TMEM132D: variants seen among roughly 807,000 people sequenced by gnomAD.
TMEM132D encodes the protein mature OL transmembrane protein.
A neutral mutation model predicts 62.3 loss-of-function variants in TMEM132D; 21 were observed. That is an observed-to-expected ratio of 0.34 (90% CI 0.24 to 0.49). The LOEUF (loss-of-function observed/expected upper bound fraction) is 0.49, where lower values mean the gene tolerates loss of function less well. Among genes scored for constraint, TMEM132D ranks in the 20% least tolerant of loss-of-function variants. TMEM132D has a pLI of 0.99. For synonymous variants in TMEM132D, 621 were observed against 575.6 expected, an observed-to-expected ratio of 1.08 and a Z score of -1.13; for missense variants, 1,346 against 1,402.8, an observed-to-expected ratio of 0.96 and a Z score of 0.65.
At chr12:129,811,232 TCTC>T (rs1301085205) in intron 1 of TMEM132D, among the ~76,000 whole-genome samples, 1 of 151,500 alleles carries the variant, frequency 6.6e-6, no homozygotes, top group African/African-American at 2.4e-5. Context: ...ATATCAATTC[TCTC>T]CTAAGGCAAT....
chr12:129,402,634 A>G, intron 3 of TMEM132D, among the ~76,000 whole-genome samples: 1 of 152,156 alleles, frequency 6.6e-6, no homozygotes, highest in East Asian at 1.9e-4. Context: ...GCAGTGGCGC[A>G]ATCAGAGCTC....
chr12:129,707,730 CT>C (rs1881540281), intron 1 of TMEM132D, among the ~76,000 whole-genome samples: 1 of 152,146 alleles, frequency 6.6e-6, no homozygotes, highest in Non-Finnish European at 1.5e-5. Context: ...ACATTTCTGT[CT>C]TTATCAATTC....
chr12:129,095,353 T>TG (rs989090784), intron 5 of TMEM132D, among the ~76,000 whole-genome samples: 3 of 143,342 alleles, frequency 2.1e-5, no homozygotes, highest in Non-Finnish European at 3.1e-5. Context: ...CTGGTTTTTT[T>TG]TTTTTTTTTT....
intron 1 of TMEM132D, among the ~76,000 whole-genome samples, chr12:129,773,262 G>A (rs917954983): frequency 1.3e-5 from 2 of 152,208 alleles, no homozygotes; most frequent in East Asian, 1.9e-4. Context: ...CGAGGGCGGC[G>A]GCAGTGAGCA....
intron 1 of TMEM132D, among the ~76,000 whole-genome samples, chr12:129,834,568 G>T (rs1161067444): frequency 6.6e-6 from 1 of 152,108 alleles, no homozygotes; most frequent in Non-Finnish European, 1.5e-5. Context: ...GCTAGCACTG[G>T]AATAAAGCCG....
At chr12:129,190,579 G>A (rs949256255) in intron 5 of TMEM132D, among the ~76,000 whole-genome samples, 5 of 150,898 alleles carry the variant, frequency 3.3e-5, no homozygotes, top group Admixed American at 6.6e-5. Context: ...TGCAGATGGA[G>A]GGAGGGGGTC....
chr12:129,822,248 G>C (rs933257091), intron 1 of TMEM132D, among the ~76,000 whole-genome samples: 3 of 152,130 alleles, frequency 2.0e-5, no homozygotes, highest in African/African-American at 7.2e-5. Context: ...GAGGAGCTGA[G>C]AGACCTGCCG....
chr12:129,116,728 A>T (rs928685172), intron 5 of TMEM132D, among the ~76,000 whole-genome samples: 1 of 152,080 alleles, frequency 6.6e-6, no homozygotes, highest in African/African-American at 2.4e-5. Flanking sequence ...ACAATCCAAA[A>T]TACTGACAAC....
At chr12:129,898,221 G>C (rs1299015142) in intron 1 of TMEM132D, among the ~76,000 whole-genome samples, 1 of 152,142 alleles carries the variant, frequency 6.6e-6, no homozygotes, top group Non-Finnish European at 1.5e-5. Context: ...GCACTGTCAG[G>C]TAAATGATTT....
Position 129,808,063 on chromosome 12 carries a change from A to C in TMEM132D, c.79+95198T>G, listed in dbSNP as rs141570999. 7.8e-3 allele frequency among the ~76,000 whole-genome samples: 1,181 copies of C among 152,362 alleles called. 22 individuals carry two copies. Among genetic ancestry groups the C allele is most frequent in the African/African-American group, 0.027 (1,137 of 41,582 alleles). On this transcript the variant is annotated intron_variant, in intron 1 of 8. Coordinates refer to ENST00000422113, the MANE Select transcript of TMEM132D (RefSeq NM_133448.3). ...TTAATACCATGTCATTACAAATTAT[A>C]GAACTCAATTTAGGAAACGGTGATT...
At chr12:129,213,723 A>C (rs1280155298) in intron 4 of TMEM132D, among the ~76,000 whole-genome samples, 1 of 152,074 alleles carries the variant, frequency 6.6e-6, no homozygotes, top group Non-Finnish European at 1.5e-5. Context: ...AACAATGCTG[A>C]GAACTCCATC....
At chr12:129,439,845 T>C (rs1232650897) in intron 3 of TMEM132D, among the ~76,000 whole-genome samples, 3 of 152,204 alleles carry the variant, frequency 2.0e-5, no homozygotes, top group African/African-American at 4.8e-5. Flanking sequence ...TCCTGCCTTG[T>C]GGAAATCAGG....
intron 3 of TMEM132D, among the ~76,000 whole-genome samples, chr12:129,500,702 A>C (rs1875113281): frequency 6.6e-6 from 1 of 152,228 alleles, no homozygotes. Flanking sequence ...ATGGAAAAAG[A>C]GAAAGAAAGT....
At chr12:129,668,838 C>T (rs1239306049) in intron 2 of TMEM132D, among the ~76,000 whole-genome samples, 1 of 152,200 alleles carries the variant, frequency 6.6e-6, no homozygotes, top group African/African-American at 2.4e-5. Flanking sequence ...GAGTGGTATG[C>T]TCCCCTTCAA....
At chr12:129,460,680 C>T (rs1215928113) in intron 3 of TMEM132D, among the ~76,000 whole-genome samples, 1 of 152,138 alleles carries the variant, frequency 6.6e-6, no homozygotes, top group Non-Finnish European at 1.5e-5. Flanking sequence ...TTCGGGAGAG[C>T]CAAATACCAC....
At chr12:129,445,890 G>A (rs1010795198) in intron 3 of TMEM132D, among the ~76,000 whole-genome samples, 48 of 152,170 alleles carry the variant, frequency 3.2e-4, no homozygotes, top group African/African-American at 1.1e-3. Flanking sequence ...AGCAGAACAA[G>A]GTAGAGGGAA....
chr12:129,452,700 G>A (rs777933952), intron 3 of TMEM132D, among the ~76,000 whole-genome samples: 2 of 147,366 alleles, frequency 1.4e-5, no homozygotes, highest in Non-Finnish European at 3.0e-5. Context: ...AAAAAAAGAA[G>A]AAAAGAAAGA....
At chr12:129,771,822 C>G (rs542246428) in intron 1 of TMEM132D, among the ~76,000 whole-genome samples, 1 of 152,348 alleles carries the variant, frequency 6.6e-6, no homozygotes, top group Admixed American at 6.5e-5. Flanking sequence ...CACACATATA[C>G]ATGCATGAAA....
chr12:129,563,512 A>C (rs1877293316), intron 2 of TMEM132D, among the ~76,000 whole-genome samples: 1 of 152,298 alleles, frequency 6.6e-6, no homozygotes, highest in South Asian at 2.1e-4. Context: ...TGGCAATGTA[A>C]TCAGGCACTG....
Sources: gnomAD v4.1 joint callset for allele counts (sites outside exome capture counted in the v4.1 genomes callset) on GRCh38, gnomAD v4.1.1 for gene constraint, MANE v1.5 for transcripts, NCBI Gene and HGNC (gene_info 2026-07-23, HGNC 2026-07-21) for gene names.